SKP1: variants seen among roughly 807,000 people sequenced by gnomAD.
SKP1 encodes S-phase kinase-associated protein 1.
Under a neutral mutation model 21.5 loss-of-function variants are expected in SKP1, and 1 was observed. That is an observed-to-expected ratio of 0.05 (90% CI 0.02 to 0.22). The LOEUF (loss-of-function observed/expected upper bound fraction) is 0.22, where lower values mean the gene tolerates loss of function less well. Among genes scored for constraint, SKP1 ranks in the 10% least tolerant of loss-of-function variants. SKP1 has a pLI of 1.00. For missense variants in SKP1, 70 were observed against 192.0 expected (o/e 0.36, Z 3.76); for synonymous variants, 59 against 59.3 (o/e 0.99, Z 0.03).
chr5:134,158,884 C>A (rs1761167393), intron 4 of SKP1, among the ~76,000 whole-genome samples: 2 of 152,176 alleles, frequency 1.3e-5, no homozygotes, highest in South Asian at 2.1e-4. Context: ...CACACAAATA[C>A]CACATCAGGT....
At chr5:134,169,035 C>T (rs906145320) in intron 2 of SKP1, among the ~76,000 whole-genome samples, 4 of 151,804 alleles carry the variant, frequency 2.6e-5, no homozygotes, top group Non-Finnish European at 5.9e-5. Flanking sequence ...AGGATGAAGC[C>T]CTGGGGAACT....
chr5:134,164,111 C>T (rs527939042), intron 3 of SKP1, among the ~76,000 whole-genome samples: 3 of 151,892 alleles, frequency 2.0e-5, no homozygotes, highest in East Asian at 1.9e-4. Context: ...ACCTGAGGTC[C>T]GGAGTTCGAG....
Position 134,156,130 on chromosome 5 carries a change from G to C in SKP1, c.*1603C>G, listed in dbSNP as rs1309444865. ...ACTTGAGGTGGATAAGGTTTTTGCA[G>C]AAGTTGATCTTATAATAGCAGGAAT... On this transcript the variant is annotated 3_prime_UTR_variant, in exon 6 of 6. Transcript: ENST00000353411. 6.6e-6 allele frequency: 1 copy of C among 152,024 alleles called. No homozygotes were observed. The highest frequency in any genetic ancestry group is 1.5e-5 in the Non-Finnish European group (1 of 68,012). The allele number at this position is 152,024 out of a possible 1,614,324, so 9.4% of individuals were successfully genotyped here. A position where few individuals can be genotyped will look rare whatever the true frequency, so the allele number is the denominator to read the frequency against.
intron 2 of SKP1, chr5:134,173,294 C>T (rs80085655): frequency 0.013 from 2,169 of 169,860 alleles, 29 homozygotes; most frequent in African/African-American, 0.038. Context: ...ACTGCACCAT[C>T]GCACTTCAGG....
In SKP1 at chr5:134,167,204, G is replaced by T; in HGVS notation, c.137C>A (p.Pro46His). 6.2e-7 allele frequency: 1 copy of T among 1,608,240 alleles called. No homozygotes were observed. Among genetic ancestry groups the T allele is most frequent in the Non-Finnish European group, 8.5e-7 (1 of 1,174,920 alleles). ...MDDEGDDDPV[P>H]LPNVNAAILK... ...TATTGCTGCATTCACATTTGGTAGA[G>T]GAACTGGGTCATCATCTCCTTCATC... The change falls in exon 3 of 6, where the codon CCT (proline) becomes CAT (histidine). Residue 46 changes from proline (P) to histidine (H), a missense_variant. Around this residue, in one of 4 missense-constraint regions of SKP1, gnomAD observed 33 missense variants for 64.9 expected, o/e 0.51. Transcript: ENST00000353411.
intron 4 of SKP1, 122 bp from the exon 5 acceptor site, chr5:134,158,717 G>T: frequency 1.2e-6 from 1 of 847,762 alleles, no homozygotes; most frequent in Non-Finnish European, 1.9e-6. Flanking sequence ...ATTAAAGGGA[G>T]AAGAATAAAT....
intron 5 of SKP1, chr5:134,157,983 G>A (rs1433309564): frequency 2.0e-6 from 3 of 1,511,142 alleles, no homozygotes; most frequent in Non-Finnish European, 2.7e-6. Context: ...ACAAAGCAAA[G>A]GCAATGGGCA....
chr5:134,166,419 A>G (rs1304278270), intron 3 of SKP1, among the ~76,000 whole-genome samples: 1 of 151,340 alleles, frequency 6.6e-6, no homozygotes, highest in African/African-American at 2.4e-5. Context: ...TGTCTCTACT[A>G]AAAATACAAA....
intron 5 of SKP1, chr5:134,158,193 T>C (rs1761153667): frequency 1.1e-5 from 15 of 1,401,848 alleles, no homozygotes; most frequent in Non-Finnish European, 1.3e-5. Flanking sequence ...AAGTTGCAGG[T>C]GCCAAAACTA....
At chr5:134,172,753 C>G (rs1450640299) in intron 2 of SKP1, among the ~76,000 whole-genome samples, 2 of 152,020 alleles carry the variant, frequency 1.3e-5, no homozygotes, top group Admixed American at 6.6e-5. Flanking sequence ...TGTCTCATGC[C>G]TGTAATCCCA....
chr5:134,158,388 G>T, intron 5 of SKP1, 67 bp downstream of exon 5: 1 of 1,612,054 alleles, frequency 6.2e-7, no homozygotes, highest in South Asian at 1.1e-5. Flanking sequence ...CTCTTTTGCT[G>T]GCATGTTATA....
At position 134,157,601 on chromosome 5, in the gene SKP1, A is replaced by G; in HGVS notation, c.*132T>C. ...CTCAAACTACACATGCAATGAGGAC[A>G]ATATTCTGCTAATACAATTGACTTG... On this transcript the variant is annotated 3_prime_UTR_variant, in exon 6 of 6. Coordinates refer to ENST00000353411, the MANE Select transcript of SKP1 (RefSeq NM_170679.3). 4.9e-6 allele frequency: 4 copies of G among 809,834 alleles called. No individual in the cohort carries two copies. In the South Asian group the frequency reaches 5.8e-5, roughly 12 times the overall value. The allele number at this position is 809,834 out of a possible 1,614,324, so 50.2% of individuals were successfully genotyped here. A position where few individuals can be genotyped will look rare whatever the true frequency, so the allele number is the denominator to read the frequency against.
rs755805058 is a variant in SKP1, at chr5:134,160,969, T to TA, written c.315+17dup. ...TAAAGGCTCTAGAGTAGAGCTATCT[T>TA]ACACATTAAAAACTTACCAGAATGA... On this transcript the variant is annotated intron_variant, in intron 4 of 5. Coordinates refer to ENST00000353411, the MANE Select transcript of SKP1 (RefSeq NM_170679.3). 1.3e-6 allele frequency: 2 copies of TA among 1,595,034 alleles called. No homozygotes were observed. Among genetic ancestry groups the TA allele is most frequent in the South Asian group, 2.2e-5 (2 of 89,826 alleles).
intron 3 of SKP1, chr5:134,161,719 C>A (rs1761224007): frequency 6.6e-6 from 1 of 152,196 alleles, no homozygotes; most frequent in African/African-American, 2.4e-5. Flanking sequence ...TGAATATGTA[C>A]ATATATTGTA....
At chr5:134,175,544 T>C (rs1001655061) in intron 1 of SKP1, 1 of 152,204 alleles carries the variant, frequency 6.6e-6, no homozygotes, top group Non-Finnish European at 1.5e-5. Context: ...AAATGAACAG[T>C]GCAGAATCAC....
At chr5:134,175,103 G>A (rs1761514245) in intron 1 of SKP1, 1 of 152,094 alleles carries the variant, frequency 6.6e-6, no homozygotes, top group African/African-American at 2.4e-5. Context: ...TGTATCATTT[G>A]GCATTTAAAA....
Position 134,158,612 on chromosome 5 carries a change from G to A in SKP1, c.316-17C>T, listed in dbSNP as rs1177302569. 1.2e-6 allele frequency: 2 copies of A among 1,608,996 alleles called. No homozygotes were observed. Among genetic ancestry groups the A allele is most frequent in the Non-Finnish European group, 1.7e-6 (2 of 1,177,030 alleles). ...GTTTGCAGCCTGTAAAGAGACAGTT[G>A]TTTTCCTTAAAGTATACTTGATGTT... On this transcript the variant is annotated splice_polypyrimidine_tract_variant and intron_variant, in intron 4 of 5. Transcript: ENST00000353411.
intron 1 of SKP1, among the ~76,000 whole-genome samples, chr5:134,175,787 T>G (rs1227333707): frequency 6.6e-6 from 1 of 152,308 alleles, no homozygotes; most frequent in South Asian, 2.1e-4. Flanking sequence ...TAGAATAAAG[T>G]GCAAAATTTT....
intron 4 of SKP1, among the ~76,000 whole-genome samples, chr5:134,159,516 G>GATTAC (rs1761180528): frequency 6.6e-6 from 1 of 151,108 alleles, no homozygotes; most frequent in African/African-American, 2.4e-5. Context: ...AAGTAGCTGG[G>GATTAC]ATTACAGGTG....
Sources: allele counts gnomAD v4.1 joint callset (sites outside exome capture counted in the v4.1 genomes callset), GRCh38; gene constraint gnomAD v4.1.1; regional missense constraint gnomAD v4.1.1; transcripts MANE v1.5; gene names NCBI Gene and HGNC (gene_info 2026-07-23, HGNC 2026-07-21).